Variants in PCDHGB4 observed in about 807,000 individuals in gnomAD.
PCDHGB4 encodes the protein protocadherin gamma-B4.
Under a neutral mutation model 60.5 loss-of-function variants are expected in PCDHGB4, and 38 were observed. The observed-to-expected ratio is 0.63, with a 90% confidence interval of 0.48 to 0.82. The LOEUF is 0.82. Ranked by LOEUF, PCDHGB4 falls within the 40% of genes least tolerant of loss-of-function variation. The pLI is 0.00. For missense variants in PCDHGB4, 1,109 were observed against 1,209.6 expected, an observed-to-expected ratio of 0.92 and a Z score of 1.23; for synonymous variants, 456 against 509.7, an observed-to-expected ratio of 0.89 and a Z score of 1.42.
chr5:141,498,565 G>C (rs2099784348), intron 2 of PCDHGB4, among the ~76,000 whole-genome samples: 1 of 152,044 alleles, frequency 6.6e-6, no homozygotes. Context: ...CTTCAAAGCA[G>C]GGCTAGTATT....
chr5:141,413,652 G>T, intron 1 of PCDHGB4: 4 of 1,613,780 alleles, frequency 2.5e-6, no homozygotes, highest in Non-Finnish European at 3.4e-6. Context: ...TTCCTCTCCC[G>T]GAAGCTATTG....
chr5:141,421,443 G>A (rs1561793987), intron 1 of PCDHGB4: 4 of 1,614,106 alleles, frequency 2.5e-6, no homozygotes, highest in Non-Finnish European at 2.5e-6. Flanking sequence ...CCAGAGGGAA[G>A]ACACAGCTTT....
chr5:141,503,213 A>G (rs1368413073), intron 2 of PCDHGB4, among the ~76,000 whole-genome samples: 1 of 152,100 alleles, frequency 6.6e-6, no homozygotes, highest in Non-Finnish European at 1.5e-5. Flanking sequence ...AGTGCCCACC[A>G]TGAGCACCGT....
intron 1 of PCDHGB4, chr5:141,433,049 C>A (rs1418118305): frequency 6.2e-7 from 1 of 1,614,110 alleles, no homozygotes; most frequent in Admixed American, 1.7e-5. Flanking sequence ...CACGGACTCG[C>A]GGAAGAGTCA....
At chr5:141,409,916 T>C (rs762510018) in intron 1 of PCDHGB4, 3 of 1,613,298 alleles carry the variant, frequency 1.9e-6, no homozygotes, top group Non-Finnish European at 2.5e-6. Flanking sequence ...TCCTGACGGC[T>C]CCGCGTTCTT....
At chr5:141,415,750 T>TTTG in intron 1 of PCDHGB4, 2 of 1,313,212 alleles carry the variant, frequency 1.5e-6, no homozygotes, top group African/African-American at 1.6e-5. Context: ...GTTTTTTTTT[T>TTTG]TTTTTTTTTT....
At chr5:141,445,364 C>T (rs1374418361) in intron 1 of PCDHGB4, among the ~76,000 whole-genome samples, 1 of 152,158 alleles carries the variant, frequency 6.6e-6, no homozygotes, top group African/African-American at 2.4e-5. Flanking sequence ...CAAGTCTGGT[C>T]CTGGGTGGTT....
Position 141,485,582 on chromosome 5 carries a change from C to G in PCDHGB4, c.2398-9225C>G. The G allele has an allele frequency of 6.2e-7, 1 of 1,612,374 alleles. No individual in the cohort carries two copies. Among genetic ancestry groups the G allele is most frequent in the South Asian group, 1.1e-5 (1 of 90,956 alleles). On this transcript the variant is annotated intron_variant, in intron 1 of 3. Transcript: ENST00000519479. The surrounding 1 kb of genome is among the most constrained non-coding windows in gnomAD (Gnocchi z 5.7). ...TCACGCCCCCCGTTTTCCGCGGCAG[C>G]AGCTGGACTTGGAAATTGGGGAGGC...
intron 1 of PCDHGB4, chr5:141,419,164 C>G: frequency 6.2e-7 from 1 of 1,613,966 alleles, no homozygotes; most frequent in Non-Finnish European, 8.5e-7. Context: ...TATCCTCCAG[C>G]AAAACCATAA....
At chr5:141,488,069 C>T (rs1197698273) in intron 1 of PCDHGB4, among the ~76,000 whole-genome samples, 1 of 152,072 alleles carries the variant, frequency 6.6e-6, no homozygotes, top group Non-Finnish European at 1.5e-5. Context: ...ATCTTTGTCT[C>T]CCAGTATCTA....
chr5:141,431,901 A>G lies in PCDHGB4; in HGVS notation c.2397+41620A>G, dbSNP rs1373642371. 5.0e-6 allele frequency: 8 copies of G among 1,613,872 alleles called. No homozygotes were observed. The highest frequency in any genetic ancestry group is 1.6e-4 in the Middle Eastern group (1 of 6,062). On this transcript the variant is annotated intron_variant, in intron 1 of 3. Coordinates refer to ENST00000519479, the MANE Select transcript of PCDHGB4 (RefSeq NM_003736.4). This position sits in a 1 kb window ranked among gnomAD's most constrained non-coding sequence, Gnocchi z 4.8. Reference sequence around the variant, plus strand: ...GACCAAGATTCTGAGGAAAACGGACAGGTGATCTGTTTCATCCAAGGAAAT... The same window carrying G: ...GACCAAGATTCTGAGGAAAACGGACGGGTGATCTGTTTCATCCAAGGAAAT...
chr5:141,447,328 C>T (rs546209008), intron 1 of PCDHGB4, among the ~76,000 whole-genome samples: 39 of 151,886 alleles, frequency 2.6e-4, no homozygotes, highest in Admixed American at 7.2e-4. Flanking sequence ...TTAGTAGAGA[C>T]GGGTTTCATC....
At chr5:141,426,955 C>T (rs1380917458) in intron 1 of PCDHGB4, 3 of 456,658 alleles carry the variant, frequency 6.6e-6, no homozygotes, top group South Asian at 1.5e-5. Flanking sequence ...ACTGGCACTG[C>T]TGCAATTCAA....
intron 1 of PCDHGB4, chr5:141,421,475 G>A (rs752558543): frequency 4.3e-6 from 7 of 1,614,150 alleles, no homozygotes. Flanking sequence ...CCGCGAAGCG[G>A]CAGCTTGATC....
intron 3 of PCDHGB4, among the ~76,000 whole-genome samples, chr5:141,509,381 C>T (rs181928019): frequency 6.6e-6 from 1 of 152,256 alleles, no homozygotes; most frequent in East Asian, 1.9e-4. Flanking sequence ...TGTCTCCTAA[C>T]CACAGAGGAT....
intron 1 of PCDHGB4, among the ~76,000 whole-genome samples, chr5:141,455,570 A>T (rs181469693): frequency 2.6e-5 from 4 of 152,222 alleles, no homozygotes; most frequent in Non-Finnish European, 5.9e-5. Context: ...TGGCCCTCCC[A>T]CCCCAGCCTT....
At chr5:141,447,937 T>A (rs1036604034) in intron 1 of PCDHGB4, among the ~76,000 whole-genome samples, 1 of 151,852 alleles carries the variant, frequency 6.6e-6, no homozygotes, top group Non-Finnish European at 1.5e-5. Context: ...AATACAAAAA[T>A]TAGCTGGGCA....
chr5:141,404,840 C>G lies in PCDHGB4; in HGVS notation c.2397+14559C>G, dbSNP rs377389968. ...GCACACAGGTGAAGTGCGCACAGCT[C>G]GGGCCCTGCTAGATAGAGATGCGCT... is the stretch of plus-strand genomic sequence containing the variant. On this transcript the variant is annotated intron_variant, in intron 1 of 3. Transcript: ENST00000519479. 4 of 1,613,698 alleles carry G rather than the reference C, an allele frequency of 2.5e-6. No individual in the cohort carries two copies. In the Admixed American group the frequency reaches 5.0e-5, roughly 20 times the overall value.
At position 141,490,359 on chromosome 5, in the gene PCDHGB4, T is replaced by A; in HGVS notation, c.2398-4448T>A. On this transcript the variant is annotated intron_variant, in intron 1 of 3. Coordinates refer to ENST00000519479, the MANE Select transcript of PCDHGB4 (RefSeq NM_003736.4). The surrounding 1 kb of genome is among the most constrained non-coding windows in gnomAD (Gnocchi z 5.4). ...TGGGCACAGTAGTGGGGTTGTTTAA[T>A]GTGCGAGACCGGGACTCAGGTAGAA... 6.2e-7 allele frequency: 1 copy of A among 1,614,212 alleles called. No individual in the cohort carries two copies. The highest frequency in any genetic ancestry group is 8.5e-7 in the Non-Finnish European group (1 of 1,180,036).
Sources: gnomAD v4.1 joint callset for allele counts (sites outside exome capture counted in the v4.1 genomes callset) on GRCh38, gnomAD v4.1.1 for gene constraint, Gnocchi (gnomAD v3.1) non-coding constraint, MANE v1.5 for transcripts, NCBI Gene and HGNC (gene_info 2026-07-23, HGNC 2026-07-21) for gene names.